The following MAML3 variants were observed in gnomAD, a reference collection of about 807,000 sequenced individuals.
MAML3 encodes mastermind like transcriptional coactivator 3.
A neutral mutation model predicts 101.9 loss-of-function variants in MAML3; 27 were observed. The ratio of observed to expected loss-of-function variants is 0.27; its 90% CI spans 0.20 to 0.37. The LOEUF (loss-of-function observed/expected upper bound fraction) is 0.37, where lower values mean the gene tolerates loss of function less well. MAML3 is among the 10% of genes least tolerant of loss of function. The probability of loss-of-function intolerance (pLI) is 1.00; values close to 1 mark genes in which losing one functional copy is unlikely to be tolerated. For synonymous variants in MAML3, 501 were observed against 555.9 expected (o/e 0.90, Z 1.39); for missense variants, 1,316 against 1,444.9 (o/e 0.91, Z 1.45).
chr4:139,780,621 T>TTG (rs1260071325), intron 2 of MAML3, among the ~76,000 whole-genome samples: 1 of 138,240 alleles, frequency 7.2e-6, no homozygotes, highest in African/African-American at 2.7e-5. Flanking sequence ...TTTCTTTCTT[T>TTG]TCTTTTTTTT....
At chr4:139,954,802 A>G (rs950261355) in intron 1 of MAML3, among the ~76,000 whole-genome samples, 3 of 152,190 alleles carry the variant, frequency 2.0e-5, no homozygotes, top group Admixed American at 2.0e-4. Flanking sequence ...TTACAGGCAC[A>G]TGTCATTACC....
At chr4:139,792,959 G>A (rs1292149333) in intron 2 of MAML3, among the ~76,000 whole-genome samples, 1 of 152,012 alleles carries the variant, frequency 6.6e-6, no homozygotes, top group African/African-American at 2.4e-5. Context: ...TGTTAGCCAG[G>A]ATGGTCTTGA....
intron 2 of MAML3, among the ~76,000 whole-genome samples, chr4:139,822,225 TCACCACCACCACCACCAC>T (rs34942904): frequency 5.5e-5 from 7 of 126,674 alleles, no homozygotes; most frequent in African/African-American, 1.5e-4. Context: ...ATTATCACCA[TCACCACCACCACCACCAC>T]CACCACCACC....
At chr4:139,793,932 C>A (rs79801909) in intron 2 of MAML3, among the ~76,000 whole-genome samples, 1 of 152,032 alleles carries the variant, frequency 6.6e-6, no homozygotes. Flanking sequence ...AGAAAAAAAA[C>A]GAACAGCACT....
At chr4:140,110,080 C>A (rs554661640) in intron 1 of MAML3, among the ~76,000 whole-genome samples, 93 of 152,282 alleles carry the variant, frequency 6.1e-4, no homozygotes, top group African/African-American at 1.8e-3. Context: ...GCCGCCTGTG[C>A]GTGAACTGTC....
chr4:139,874,724 T>A (rs1369699475), intron 2 of MAML3, among the ~76,000 whole-genome samples: 1 of 152,102 alleles, frequency 6.6e-6, no homozygotes, highest in African/African-American at 2.4e-5. Context: ...CCTATGGGTC[T>A]GATACTATTT....
At chr4:139,921,237 A>G (rs1733125225) in intron 1 of MAML3, among the ~76,000 whole-genome samples, 1 of 152,116 alleles carries the variant, frequency 6.6e-6, no homozygotes, top group South Asian at 2.1e-4. Context: ...CCAGACTCCA[A>G]GTGGCTTGTG....
chr4:139,993,551 C>A (rs764780839), intron 1 of MAML3, among the ~76,000 whole-genome samples: 1 of 151,596 alleles, frequency 6.6e-6, no homozygotes, highest in African/African-American at 2.4e-5. Context: ...TTTGGCCTGG[C>A]GCAGTGGCTC....
At chr4:139,909,612 C>T (rs72931689) in intron 1 of MAML3, among the ~76,000 whole-genome samples, 2,922 of 152,036 alleles carry the variant, frequency 0.019, 86 homozygotes, top group African/African-American at 0.067. Flanking sequence ...GAGGAGGCCG[C>T]GGTAGGTGGA....
chr4:139,893,711 C>A (rs1290714645), intron 1 of MAML3, among the ~76,000 whole-genome samples: 1 of 152,008 alleles, frequency 6.6e-6, no homozygotes, highest in Non-Finnish European at 1.5e-5. Context: ...AGAGTGTTAT[C>A]CACTTAACTG....
Position 139,923,860 on chromosome 4 carries a change from C to A in MAML3, c.469-32893G>T, listed in dbSNP as rs565884249. ...AGCTAGTTACTTGATTACTGGCTAC[C>A]CTTATTATGAAGGAAGAGAACGTTG... is the stretch of plus-strand genomic sequence containing the variant. On this transcript the variant is annotated intron_variant, in intron 1 of 4. Transcript: ENST00000509479. 2.0e-5 allele frequency among the ~76,000 whole-genome samples: 3 copies of A among 152,136 alleles called. No individual in the cohort carries two copies. In the South Asian group the frequency reaches 6.2e-4, roughly 32 times the overall value.
At chr4:139,911,638 T>C (rs905665636) in intron 1 of MAML3, among the ~76,000 whole-genome samples, 3 of 152,182 alleles carry the variant, frequency 2.0e-5, no homozygotes, top group Non-Finnish European at 4.4e-5. Context: ...GTATTAATAT[T>C]AGGTAGGAGG....
intron 2 of MAML3, among the ~76,000 whole-genome samples, chr4:139,734,794 G>A (rs1411090462): frequency 6.6e-6 from 1 of 152,232 alleles, no homozygotes; most frequent in East Asian, 1.9e-4. Context: ...GGGTGAGAGG[G>A]GCCAGCCTTG....
chr4:140,150,086 C>T (rs953433820), intron 1 of MAML3, among the ~76,000 whole-genome samples: 1 of 152,082 alleles, frequency 6.6e-6, no homozygotes, highest in African/African-American at 2.4e-5. Flanking sequence ...CTATTCTGTA[C>T]ACAGCCCTGG....
intron 1 of MAML3, among the ~76,000 whole-genome samples, chr4:139,951,111 C>A (rs1022458624): frequency 6.6e-6 from 1 of 152,182 alleles, no homozygotes; most frequent in Non-Finnish European, 1.5e-5. Flanking sequence ...ACAAGCCAAG[C>A]CTCCTTCTCT....
intron 1 of MAML3, among the ~76,000 whole-genome samples, chr4:139,967,345 A>C (rs1038894913): frequency 4.6e-5 from 7 of 152,146 alleles, no homozygotes; most frequent in African/African-American, 1.4e-4. Context: ...AAACAGGGGA[A>C]GGAAAAGGGA....
At chr4:140,093,076 T>C (rs554992424) in intron 1 of MAML3, among the ~76,000 whole-genome samples, 66 of 152,308 alleles carry the variant, frequency 4.3e-4, no homozygotes, top group African/African-American at 1.5e-3. Flanking sequence ...TGCTCTTTTA[T>C]GCGAGCAGAT....
intron 1 of MAML3, among the ~76,000 whole-genome samples, chr4:140,076,157 A>G (rs1727761757): frequency 6.6e-6 from 1 of 151,830 alleles, no homozygotes; most frequent in Non-Finnish European, 1.5e-5. Context: ...ATGAGCCACC[A>G]CACCTGGCCC....
intron 1 of MAML3, among the ~76,000 whole-genome samples, chr4:139,992,971 T>C (rs1734709714): frequency 6.6e-6 from 1 of 152,214 alleles, no homozygotes; most frequent in Non-Finnish European, 1.5e-5. Flanking sequence ...TGTTTATCTG[T>C]TTTGGTGAAA....
Sources: gnomAD v4.1 joint callset for allele counts (sites outside exome capture counted in the v4.1 genomes callset) on GRCh38, gnomAD v4.1.1 for gene constraint, MANE v1.5 for transcripts, NCBI Gene and HGNC (gene_info 2026-07-23, HGNC 2026-07-21) for gene names.